SPACA7: variants seen among roughly 807,000 people sequenced by gnomAD.
SPACA7 encodes the protein sperm acrosome-associated protein 7.
Under a neutral mutation model 26.3 loss-of-function variants are expected in SPACA7, and 19 were observed. The observed-to-expected ratio is 0.72, with a 90% CI of 0.50 to 1.06. SPACA7 has a LOEUF of 1.06. Among genes scored for constraint, SPACA7 ranks in the 50% least tolerant of loss-of-function variants. SPACA7 has a pLI of 0.00. For missense variants in SPACA7, 211 were observed against 229.9 expected (o/e 0.92, Z 0.53); for synonymous variants, 84 against 84.5 (o/e 0.99, Z 0.04).
intron 1 of SPACA7, among the ~76,000 whole-genome samples, chr13:112,378,406 C>T (rs1395557989): frequency 2.0e-5 from 3 of 152,162 alleles, no homozygotes; most frequent in African/African-American, 7.2e-5. Flanking sequence ...CAAAGTAATG[C>T]TATTCTTGTC....
intron 5 of SPACA7, among the ~76,000 whole-genome samples, chr13:112,401,944 G>A (rs997719399): frequency 2.6e-5 from 4 of 152,150 alleles, no homozygotes; most frequent in African/African-American, 9.7e-5. Context: ...CTCTACTAAG[G>A]GGCCAGCACC....
At chr13:112,432,982 C>T (rs574004505) in intron 6 of SPACA7, among the ~76,000 whole-genome samples, 1 of 152,332 alleles carries the variant, frequency 6.6e-6, no homozygotes, top group South Asian at 2.1e-4. Flanking sequence ...CACAGCTTCA[C>T]CACTGTCCGC....
In SPACA7 at chr13:112,387,898, A is replaced by G. The variant is rs115777845; in HGVS notation, c.95-5123A>G. 9.0e-3 allele frequency among the ~76,000 whole-genome samples: 1,375 copies of G among 152,310 alleles called. 19 individuals are homozygous for G. The highest frequency in any genetic ancestry group is 0.032 in the African/African-American group (1,313 of 41,580). On this transcript the variant is annotated intron_variant, in intron 1 of 6. Transcript: ENST00000283550. ...GTCACCTCGTTCAGCACCCAATGTC[A>G]ACCTGGCAAAGCTCAAACATTTTCC...
intron 5 of SPACA7, among the ~76,000 whole-genome samples, chr13:112,406,443 C>T (rs775587945): frequency 1.3e-5 from 2 of 152,064 alleles, no homozygotes; most frequent in Non-Finnish European, 2.9e-5. Context: ...CTTTTTAAGG[C>T]CAAGTAATTT....
At chr13:112,434,415 G>T in intron 6 of SPACA7, 70 bp from the exon 7 acceptor site, 1 of 1,354,878 alleles carries the variant, frequency 7.4e-7, no homozygotes, top group Non-Finnish European at 1.0e-6. Flanking sequence ...GGTGTCCCTC[G>T]ATCCTGCCAG....
At chr13:112,411,018 GA>G (rs1268196510) in intron 5 of SPACA7, among the ~76,000 whole-genome samples, 1 of 151,752 alleles carries the variant, frequency 6.6e-6, no homozygotes, top group African/African-American at 2.4e-5. Context: ...CAGGAAAACT[GA>G]AAAAAATAAT....
Position 112,401,109 on chromosome 13 carries a change from G to A in SPACA7, c.390G>A (p.Glu130=). ...ANANLHGDPS[E]NYRGPQVSPG... ...CAAATCTCCATGGCGATCCTTCTGAGAATTATCGTGGGCCACAGGTGTCTC... is the reference window on the plus strand; with the variant it reads ...CAAATCTCCATGGCGATCCTTCTGAAAATTATCGTGGGCCACAGGTGTCTC... Residue 130 remains glutamate, a synonymous_variant, in exon 5 of 7, where the codon GAG becomes GAA. Coordinates refer to ENST00000283550, the MANE Select transcript of SPACA7 (RefSeq NM_145248.5). 1 of 1,614,178 alleles carries A rather than the reference G, an allele frequency of 6.2e-7. No individual in the cohort carries two copies. Among genetic ancestry groups the A allele is most frequent in the Non-Finnish European group, 8.5e-7 (1 of 1,180,028 alleles).
chr13:112,425,192 C>G (rs1876412058), intron 5 of SPACA7, among the ~76,000 whole-genome samples: 1 of 152,140 alleles, frequency 6.6e-6, no homozygotes, highest in Non-Finnish European at 1.5e-5. Flanking sequence ...GCACAGGCTC[C>G]CCTGCAGGGT....
rs111387192 is a variant in SPACA7 at position 112,415,307 on chromosome 13, A to G, written c.445+14143A>G. The stretch of plus-strand genomic sequence containing the variant: ...CAGCTGCCCAGACAAGCACAGTACC[A>G]GAGCTCATCCAAGGTCTGCAGCTGC... On this transcript the variant is annotated intron_variant, in intron 5 of 6. Transcript: ENST00000283550. 2.2e-3 allele frequency among the ~76,000 whole-genome samples: 329 copies of G among 152,328 alleles called. 1 individual carries two copies. Among genetic ancestry groups the G allele is most frequent in the African/African-American group, 6.8e-3 (284 of 41,576 alleles).
chr13:112,395,376 C>T (rs112758388), intron 2 of SPACA7, among the ~76,000 whole-genome samples: 3 of 152,358 alleles, frequency 2.0e-5, no homozygotes, highest in African/African-American at 7.2e-5. Flanking sequence ...CTGCCTGAGT[C>T]GTTGCTAGAG....
At chr13:112,432,618 T>C (rs1272889265) in intron 6 of SPACA7, 97 bp downstream of exon 6, 2 of 923,316 alleles carry the variant, frequency 2.2e-6, no homozygotes, top group Non-Finnish European at 1.7e-6. Context: ...GGAGAGCAGG[T>C]GAGCCCAGCC....
intron 5 of SPACA7, among the ~76,000 whole-genome samples, chr13:112,418,184 A>C (rs917365907): frequency 6.6e-6 from 1 of 152,246 alleles, no homozygotes; most frequent in Non-Finnish European, 1.5e-5. Flanking sequence ...TTAAATGTCT[A>C]TTATGATCTG....
chr13:112,379,358 C>T (rs1883897746), intron 1 of SPACA7, among the ~76,000 whole-genome samples: 1 of 152,106 alleles, frequency 6.6e-6, no homozygotes, highest in Admixed American at 6.5e-5. Context: ...TTCAAAAAAG[C>T]ATCAGAGTAA....
At chr13:112,414,725 A>C (rs1282172237) in intron 5 of SPACA7, among the ~76,000 whole-genome samples, 2 of 152,074 alleles carry the variant, frequency 1.3e-5, no homozygotes, top group Admixed American at 6.6e-5. Context: ...TCTGTGTCTT[A>C]TTGAAGTTTT....
intron 5 of SPACA7, among the ~76,000 whole-genome samples, chr13:112,408,920 C>CA (rs541385079): frequency 8.0e-4 from 122 of 152,014 alleles, no homozygotes; most frequent in African/African-American, 2.8e-3. Context: ...AATCCTAAGC[C>CA]AAAAAAACAA....
chr13:112,409,690 A>G (rs1886221223), intron 5 of SPACA7, among the ~76,000 whole-genome samples: 2 of 152,134 alleles, frequency 1.3e-5, no homozygotes, highest in African/African-American at 2.4e-5. Context: ...CAGTTAGAAT[A>G]GTGATCATTA....
chr13:112,433,107 G>T lies in SPACA7; in HGVS notation c.523+586G>T, dbSNP rs112388602. Among the ~76,000 whole-genome samples the T allele has an allele frequency of 2.6e-3, 388 of 151,804 alleles. 3 individuals are homozygous for T. The highest frequency in any genetic ancestry group is 8.4e-3 in the African/African-American group (347 of 41,406). On this transcript the variant is annotated intron_variant, in intron 6 of 6. Coordinates refer to ENST00000283550, the MANE Select transcript of SPACA7 (RefSeq NM_145248.5). ...CCTGGGTGAGGCTGACAGCCCTCTT[G>T]TCCTCCCGGTATCCCTGAGTCACAT...
At chr13:112,399,678 C>T (rs746698104) in intron 4 of SPACA7, among the ~76,000 whole-genome samples, 4 of 152,308 alleles carry the variant, frequency 2.6e-5, no homozygotes, top group Non-Finnish European at 5.9e-5. Context: ...CTCCTCTTTA[C>T]CCTGGAGATT....
At chr13:112,395,840 A>G (rs1278347540) in intron 2 of SPACA7, among the ~76,000 whole-genome samples, 1 of 152,206 alleles carries the variant, frequency 6.6e-6, no homozygotes, top group Non-Finnish European at 1.5e-5. Flanking sequence ...AAATTCAACC[A>G]TCAGCAGTTA....
Sources: gnomAD v4.1 joint callset for allele counts (sites outside exome capture counted in the v4.1 genomes callset) on GRCh38, gnomAD v4.1.1 for gene constraint, MANE v1.5 for transcripts, NCBI Gene and HGNC (gene_info 2026-07-23, HGNC 2026-07-21) for gene names.